The following CNTNAP2 variants were observed in gnomAD, a reference collection of about 807,000 sequenced individuals.
CNTNAP2 encodes the protein contactin-associated protein-like 2.
CNTNAP2 carries 98 observed loss-of-function variants against 155.2 expected under a neutral mutation model. The ratio of observed to expected loss-of-function variants is 0.63; its 90% CI spans 0.54 to 0.75. The LOEUF (loss-of-function observed/expected upper bound fraction) is 0.75. CNTNAP2 is among the 30% of genes least tolerant of loss of function. The pLI, the probability that CNTNAP2 is intolerant of heterozygous loss-of-function variation, is 0.00. For missense variants in CNTNAP2, 1,727 were observed against 1,688.1 expected, an observed-to-expected ratio of 1.02 and a Z score of -0.40; for synonymous variants, 651 against 631.2, an observed-to-expected ratio of 1.03 and a Z score of -0.47.
At chr7:147,297,149 T>G (rs1293650001) in intron 8 of CNTNAP2, among the ~76,000 whole-genome samples, 1 of 152,194 alleles carries the variant, frequency 6.6e-6, no homozygotes, top group African/African-American at 2.4e-5. Context: ...CGTGTAGAGC[T>G]GAGAAGCCAT....
At chr7:147,136,595 A>C (rs936879316) in intron 8 of CNTNAP2, among the ~76,000 whole-genome samples, 6 of 151,936 alleles carry the variant, frequency 3.9e-5, no homozygotes, top group African/African-American at 1.4e-4. Flanking sequence ...TTCTCAGTTC[A>C]ATCTGGGCAA....
intron 8 of CNTNAP2, among the ~76,000 whole-genome samples, chr7:147,154,663 C>T (rs1795597274): frequency 6.6e-6 from 1 of 152,034 alleles, no homozygotes; most frequent in African/African-American, 2.4e-5. Flanking sequence ...AAATGAAATG[C>T]ACATAGCACA....
chr7:146,356,136 A>G (rs1279866503), intron 1 of CNTNAP2, among the ~76,000 whole-genome samples: 1 of 152,072 alleles, frequency 6.6e-6, no homozygotes, highest in Non-Finnish European at 1.5e-5. Context: ...GCAAACTCAA[A>G]TAGCATTCCA....
chr7:146,719,475 A>T (rs1801247931), intron 1 of CNTNAP2, among the ~76,000 whole-genome samples: 1 of 152,220 alleles, frequency 6.6e-6, no homozygotes, highest in African/African-American at 2.4e-5. Context: ...AAAAATTTGC[A>T]ATTTCAGTTC....
chr7:147,972,503 A>G (rs564506692), intron 14 of CNTNAP2, among the ~76,000 whole-genome samples: 63 of 152,320 alleles, frequency 4.1e-4, no homozygotes, highest in African/African-American at 1.4e-3. Flanking sequence ...CACAATAAAA[A>G]AGTCAAGGAA....
intron 2 of CNTNAP2, among the ~76,000 whole-genome samples, chr7:146,819,995 A>T (rs935187096): frequency 3.3e-5 from 5 of 152,190 alleles, no homozygotes; most frequent in Non-Finnish European, 5.9e-5. Flanking sequence ...TTCTTGATGT[A>T]GCAGTTATAG....
In CNTNAP2 at chr7:146,438,591, A is replaced by G. The variant is rs531015341; in HGVS notation, c.97+321618A>G. 1.9e-3 allele frequency among the ~76,000 whole-genome samples: 290 copies of G among 151,574 alleles called. 15 individuals carry two copies. Among genetic ancestry groups the G allele is most frequent in the African/African-American group, 6.3e-3 (257 of 40,966 alleles). ...TATCTAATTTTTCACATTTTCAGACATGGTAGGTTATTTTCATGAAAATAG... is the reference window on the plus strand; with the variant it reads ...TATCTAATTTTTCACATTTTCAGACGTGGTAGGTTATTTTCATGAAAATAG... On this transcript the variant is annotated intron_variant, in intron 1 of 23. Coordinates refer to ENST00000361727, the MANE Select transcript of CNTNAP2 (RefSeq NM_014141.6).
chr7:146,976,306 T>C (rs10245776), intron 3 of CNTNAP2, among the ~76,000 whole-genome samples: 35,603 of 151,920 alleles, frequency 0.23, 5,141 homozygotes, highest in Non-Finnish European at 0.32. Context: ...TCCAGCCCAG[T>C]TGCATTCTGA....
At chr7:147,872,367 C>G (rs950697317) in intron 13 of CNTNAP2, among the ~76,000 whole-genome samples, 1 of 152,096 alleles carries the variant, frequency 6.6e-6, no homozygotes. Context: ...ACTACAGAAC[C>G]GAATAGGAGA....
chr7:147,336,801 C>T (rs1451989839), intron 9 of CNTNAP2, among the ~76,000 whole-genome samples: 1 of 151,994 alleles, frequency 6.6e-6, no homozygotes. Context: ...AGTGTAAGAC[C>T]ATGGTACTGT....
chr7:146,590,958 T>G (rs1798773117), intron 1 of CNTNAP2, among the ~76,000 whole-genome samples: 1 of 152,164 alleles, frequency 6.6e-6, no homozygotes, highest in South Asian at 2.1e-4. Flanking sequence ...TTCTGACATG[T>G]GACTAAGCAT....
intron 8 of CNTNAP2, among the ~76,000 whole-genome samples, chr7:147,244,141 T>G (rs1804002419): frequency 6.6e-6 from 1 of 152,190 alleles, no homozygotes; most frequent in African/African-American, 2.4e-5. Flanking sequence ...TTTCCCATTC[T>G]TGCTCTTTGT....
chr7:147,806,780 A>T (rs1347443172), intron 13 of CNTNAP2, among the ~76,000 whole-genome samples: 1 of 152,192 alleles, frequency 6.6e-6, no homozygotes, highest in Non-Finnish European at 1.5e-5. Flanking sequence ...CTCACTCATG[A>T]GTGGGAGCTA....
chr7:147,966,347 C>G (rs1036268753), intron 14 of CNTNAP2, among the ~76,000 whole-genome samples: 2 of 152,044 alleles, frequency 1.3e-5, no homozygotes, highest in African/African-American at 4.8e-5. Flanking sequence ...GAAAACCATG[C>G]TATTTAAGCA....
intron 22 of CNTNAP2, among the ~76,000 whole-genome samples, chr7:148,407,703 T>TAAAAAAAAAAAAAAAAAAAAAAAAAAAA (rs57666141): frequency 1.1e-5 from 1 of 93,126 alleles, no homozygotes; most frequent in Non-Finnish European, 2.2e-5. Flanking sequence ...GACCAAATCT[T>TAAAAAAAAAAAAAAAAAAAAAAAAAAAA]AAAAAAAAAA....
intron 1 of CNTNAP2, among the ~76,000 whole-genome samples, chr7:146,319,911 G>A (rs949749801): frequency 3.3e-5 from 5 of 152,014 alleles, no homozygotes; most frequent in Non-Finnish European, 5.9e-5. Context: ...AGGAAAAGGC[G>A]AGTTCATTCT....
chr7:148,322,327 G>A (rs1471994762), intron 21 of CNTNAP2, among the ~76,000 whole-genome samples: 1 of 152,138 alleles, frequency 6.6e-6, no homozygotes, highest in African/African-American at 2.4e-5. Context: ...TGCCACGCTA[G>A]GCATTTCACA....
At chr7:147,586,549 G>GGGAGGGAGGGAA (rs1800628150) in intron 12 of CNTNAP2, among the ~76,000 whole-genome samples, 1 of 87,680 alleles carries the variant, frequency 1.1e-5, no homozygotes, top group Non-Finnish European at 2.6e-5. Flanking sequence ...AAGGAAGGGA[G>GGGAGGGAGGGAA]GGAGGGAGGG....
At position 146,292,063 on chromosome 7, in the gene CNTNAP2, G is replaced by A. The variant is rs187823062; in HGVS notation, c.97+175090G>A. The stretch of plus-strand genomic sequence containing the variant: ...ATACAAATAATTTGATTAGAAAATG[G>A]GCAAAGGAGCTGAGTAGACATTTTT... On this transcript the variant is annotated intron_variant, in intron 1 of 23. Coordinates refer to ENST00000361727, the MANE Select transcript of CNTNAP2 (RefSeq NM_014141.6). 1.6e-3 allele frequency among the ~76,000 whole-genome samples: 236 copies of A among 152,154 alleles called. 2 individuals carry two copies. The highest frequency in any genetic ancestry group is 4.7e-3 in the Admixed American group (72 of 15,266).
Sources: gnomAD v4.1 joint callset for allele counts (sites outside exome capture counted in the v4.1 genomes callset) on GRCh38, gnomAD v4.1.1 for gene constraint, MANE v1.5 for transcripts, NCBI Gene and HGNC (gene_info 2026-07-23, HGNC 2026-07-21) for gene names.